CCDC40: variants seen among roughly 807,000 people sequenced by gnomAD.
The protein encoded by CCDC40 is coiled-coil domain-containing protein 40.
Under a neutral mutation model 124.5 loss-of-function variants are expected in CCDC40, and 104 were observed. That is an observed-to-expected ratio of 0.84 (90% CI 0.71 to 0.98). CCDC40 has a LOEUF of 0.98. CCDC40 is among the 50% of genes least tolerant of loss of function. The pLI is 0.00. For synonymous variants in CCDC40, 580 were observed against 602.9 expected (o/e 0.96, Z 0.56); for missense variants, 1,463 against 1,503.9 (o/e 0.97, Z 0.45).
At chr17:80,064,666 C>T (rs1187957789) in intron 9 of CCDC40, among the ~76,000 whole-genome samples, 3 of 151,936 alleles carry the variant, frequency 2.0e-5, no homozygotes, top group Admixed American at 6.6e-5. Context: ...AACCACCCCC[C>T]TAGTTTTCAA....
chr17:80,076,016 A>T (rs2038302593), intron 10 of CCDC40, among the ~76,000 whole-genome samples: 2 of 152,160 alleles, frequency 1.3e-5, no homozygotes, highest in African/African-American at 2.4e-5. Flanking sequence ...CTTCTTACGG[A>T]TGAGCGTTTT....
At chr17:80,090,969 G>A in intron 17 of CCDC40, 2 of 338,222 alleles carry the variant, frequency 5.9e-6, no homozygotes, top group South Asian at 1.2e-4. Context: ...TCCACAGAGT[G>A]GGGGCCAAAG....
intron 10 of CCDC40, chr17:80,067,005 C>T (rs533907862): frequency 6.5e-6 from 1 of 153,096 alleles, no homozygotes; most frequent in Admixed American, 6.5e-5. Flanking sequence ...CCTCCTGCCC[C>T]AATGCTAGGA....
Position 80,066,344 on chromosome 17 carries a change from C to G in CCDC40, c.1562+738C>G, listed in dbSNP as rs8064520. 2,977 of 583,198 alleles carry G rather than the reference C, an allele frequency of 5.1e-3. 70 individuals are homozygous for G. The African/African-American group carries it at 0.051, about 10-fold the overall frequency. 36.1% of individuals were successfully genotyped at this position (583,198 alleles called of 1,614,324 possible). On this transcript the variant is annotated intron_variant, in intron 10 of 19. Coordinates refer to ENST00000397545, the MANE Select transcript of CCDC40 (RefSeq NM_017950.4). This position sits in a 1 kb window ranked among gnomAD's most constrained non-coding sequence, Gnocchi z 4.4. ...CCGCAGCCAGGCAGCCAGCAGCAGT[C>G]ACACAACCAGGAGATGCTTTTCCTT...
Position 80,081,945 on chromosome 17 carries a change from A to G in CCDC40, c.1876A>G (p.Arg626Gly), listed in dbSNP as rs2038460708. ...CATCCAGGGCGAGCTGGAGCTCAGG[A>G]GGAAGACGGATGCTGCCATCCGGGA... ...QAIQGELELR[R>G]KTDAAIREKL... Residue 626 changes from arginine (R) to glycine (G), a missense_variant, in exon 12 of 20, where the codon AGG becomes GGG. Arg to Gly is a moderately radical substitution (Grantham distance 125). Transcript: ENST00000397545. 6.2e-7 allele frequency: 1 copy of G among 1,613,918 alleles called. No individual in the cohort carries two copies. Among genetic ancestry groups the G allele is most frequent in the Non-Finnish European group, 8.5e-7 (1 of 1,179,930 alleles).
chr17:80,051,586 G>A lies in CCDC40; in HGVS notation c.1159+1303G>A, dbSNP rs1383940506. Among the ~76,000 whole-genome samples, 8 of 125,236 alleles carry A rather than the reference G, an allele frequency of 6.4e-5. No homozygotes were observed. In the Admixed American group the frequency reaches 6.6e-4, roughly 10 times the overall value. 82.2% of individuals were successfully genotyped at this position (125,236 alleles called of 152,430 possible). ...GGAGCTTGCAGTGAGCCGAGATCCC[G>A]CCACTGCACTCCAGCCTGGGCGACA... is the stretch of plus-strand genomic sequence containing the variant. On this transcript the variant is annotated intron_variant, in intron 7 of 19. Coordinates refer to ENST00000397545, the MANE Select transcript of CCDC40 (RefSeq NM_017950.4).
At chr17:80,048,801 A>G (rs2037499296) in intron 5 of CCDC40, 40 bp downstream of exon 5, 1 of 1,540,116 alleles carries the variant, frequency 6.5e-7, no homozygotes, top group Admixed American at 1.9e-5. Flanking sequence ...GCCTACATGG[A>G]TGGCGAATGA....
rs367861877 is a variant in CCDC40, at chr17:80,058,498, G to A, written c.1164G>A (p.Ala388=). 4.5e-5 allele frequency: 72 copies of A among 1,613,790 alleles called. No individual in the cohort carries two copies. The highest frequency in any genetic ancestry group is 1.7e-4 in the Middle Eastern group (1 of 6,048). ...CTCCCCCGCCGCGCCCCGCAGTGGCGGCTCTGCAGACTGAGATGGAGAACT... is the reference window on the plus strand; with the variant it reads ...CTCCCCCGCCGCGCCCCGCAGTGGCAGCTCTGCAGACTGAGATGGAGAACT... The part of the protein sequence containing the change: ...AAANEERKKL[A]ALQTEMENLA... Residue 388 remains alanine (A), a synonymous_variant, in exon 8 of 20, where the codon GCG becomes GCA. Transcript: ENST00000397545. This position sits in a 1 kb window ranked among gnomAD's most constrained non-coding sequence, Gnocchi z 4.2.
chr17:80,050,224 A>G lies in CCDC40; in HGVS notation c.1100A>G (p.Gln367Arg), dbSNP rs966387220. 1 of 1,604,594 alleles carries G rather than the reference A, an allele frequency of 6.2e-7. No homozygotes were observed. Among genetic ancestry groups the G allele is most frequent in the South Asian group, 1.1e-5 (1 of 90,092 alleles). ...CGCAGGCAGAAGGAGGAGGAGCTGC[A>G]GGCCGCCCGCGCTCTCTACACCAAG... ...SERRQKEEEL[Q>R]AARALYTKTC... Residue 367 changes from glutamine to arginine, a missense_variant, in exon 7 of 20, where the codon CAG becomes CGG. Gln to Arg is a conservative substitution (Grantham distance 43). Coordinates refer to ENST00000397545, the MANE Select transcript of CCDC40 (RefSeq NM_017950.4).
chr17:80,043,761 C>G (rs1406294567), intron 3 of CCDC40, among the ~76,000 whole-genome samples: 2 of 151,754 alleles, frequency 1.3e-5, no homozygotes, highest in Non-Finnish European at 2.9e-5. Flanking sequence ...TCAGTCAATC[C>G]TCCCTCCTCA....
rs752449256 is a variant in CCDC40 at position 80,058,730 on chromosome 17, G to C, written c.1317+79G>C. ...AAAGGGGCTCAGCTTTGCCTCCTGC[G>C]TGAAGGCTTCCGGCCGGAGGGGTGG... is the stretch of plus-strand genomic sequence containing the variant. On this transcript the variant is annotated intron_variant, in intron 8 of 19. Transcript: ENST00000397545. The surrounding 1 kb of genome is among the most constrained non-coding windows in gnomAD (Gnocchi z 4.2). 8.4e-5 allele frequency: 135 copies of C among 1,602,244 alleles called. No individual in the cohort carries two copies. Among genetic ancestry groups the C allele is most frequent in the Non-Finnish European group, 1.1e-4 (127 of 1,169,502 alleles).
intron 7 of CCDC40, among the ~76,000 whole-genome samples, chr17:80,053,560 C>T (rs1334941045): frequency 1.3e-5 from 2 of 152,208 alleles, no homozygotes; most frequent in Non-Finnish European, 2.9e-5. Flanking sequence ...TCAATGCATA[C>T]AGAATTCAGA....
chr17:80,089,592 A>C, intron 16 of CCDC40, 172 bp from the exon 17 acceptor site: 2 of 537,612 alleles, frequency 3.7e-6, no homozygotes, highest in South Asian at 1.8e-5. Flanking sequence ...AAACGTTTGC[A>C]TAAGGAGCCC....
At chr17:80,055,088 G>C (rs1442000591) in intron 7 of CCDC40, among the ~76,000 whole-genome samples, 1 of 152,060 alleles carries the variant, frequency 6.6e-6, no homozygotes, top group Non-Finnish European at 1.5e-5. Context: ...TCCCAAAGTA[G>C]GATAGAAGGA....
At chr17:80,078,932 CTTTTTTTTTTT>C (rs529655342) in intron 10 of CCDC40, among the ~76,000 whole-genome samples, 1 of 131,682 alleles carries the variant, frequency 7.6e-6, no homozygotes, top group African/African-American at 2.8e-5. Flanking sequence ...GTATCAGTAT[CTTTTTTTTTTT>C]TTTTTTTTGA....
intron 9 of CCDC40, among the ~76,000 whole-genome samples, chr17:80,059,215 G>A (rs1244843509): frequency 1.3e-5 from 2 of 152,196 alleles, no homozygotes; most frequent in African/African-American, 4.8e-5. Context: ...GCCTCGCAGG[G>A]TTCAGGTACT....
At chr17:80,054,771 C>T (rs938719644) in intron 7 of CCDC40, among the ~76,000 whole-genome samples, 1 of 152,024 alleles carries the variant, frequency 6.6e-6, no homozygotes, top group Non-Finnish European at 1.5e-5. Context: ...GTCAGGAGTT[C>T]GAGACCAGCC....
intron 7 of CCDC40, among the ~76,000 whole-genome samples, chr17:80,055,786 C>T (rs908163047): frequency 1.3e-5 from 2 of 151,510 alleles, no homozygotes; most frequent in East Asian, 1.9e-4. Context: ...CAGGGCCCTC[C>T]GCAGAGGCAA....
rs1189452973 is a variant in CCDC40 at position 80,056,003 on chromosome 17, TATATATA to T, written c.1160-2490_1160-2484del. Among the ~76,000 whole-genome samples, 28 of 23,452 alleles carry T rather than the reference TATATATA, an allele frequency of 1.2e-3. 1 individual carries two copies. Among genetic ancestry groups the T allele is most frequent in the African/African-American group, 2.1e-3 (17 of 8,050 alleles). 15.4% of individuals were successfully genotyped at this position (23,452 alleles called of 152,430 possible). The stretch of plus-strand genomic sequence containing the variant: ...TTTCATATATATATATATATATATA[TATATATA>T]TATATATTTTTTTTTTTTTTTGGTA... On this transcript the variant is annotated intron_variant, in intron 7 of 19. Coordinates refer to ENST00000397545, the MANE Select transcript of CCDC40 (RefSeq NM_017950.4).
Sources: allele counts gnomAD v4.1 joint callset (sites outside exome capture counted in the v4.1 genomes callset), GRCh38; gene constraint gnomAD v4.1.1; non-coding constraint Gnocchi (gnomAD v3.1); transcripts MANE v1.5; gene names NCBI Gene and HGNC (gene_info 2026-07-23, HGNC 2026-07-21).